KIF20B: variants seen among roughly 807,000 people sequenced by gnomAD.
KIF20B encodes kinesin family member 20B.
KIF20B carries 188 observed loss-of-function variants against 232.5 expected under a neutral mutation model. The observed-to-expected ratio is 0.81, with a 90% CI of 0.72 to 0.91. The LOEUF (loss-of-function observed/expected upper bound fraction) is 0.91. KIF20B is among the 40% of genes least tolerant of loss of function. The probability of loss-of-function intolerance (pLI) is 0.00; values close to 1 mark genes in which losing one functional copy is unlikely to be tolerated. For missense variants in KIF20B, 2,154 were observed against 2,055.9 expected, an observed-to-expected ratio of 1.05 and a Z score of -0.92; for synonymous variants, 712 against 683.0, an observed-to-expected ratio of 1.04 and a Z score of -0.66.
rs969327368 is a variant in KIF20B, at chr10:89,762,565, A to G, written c.4792-73A>G. 6.1e-6 allele frequency: 7 copies of G among 1,144,078 alleles called. No individual in the cohort carries two copies. In the African/African-American group the frequency reaches 1.1e-4, roughly 18 times the overall value. The allele number at this position is 1,144,078 out of a possible 1,614,324, so 70.9% of individuals were successfully genotyped here. Reference sequence around the variant, plus strand: ...ATGCATTGTCTTGGATAGGCATTTGAGAGAATTAATTCTTTGTGGTTTATA... The same window carrying G: ...ATGCATTGTCTTGGATAGGCATTTGGGAGAATTAATTCTTTGTGGTTTATA... On this transcript the variant is annotated intron_variant, in intron 28 of 32. Coordinates refer to ENST00000371728, the MANE Select transcript of KIF20B (RefSeq NM_001284259.2).
At position 89,717,426 on chromosome 10, in the gene KIF20B, A is replaced by G. The variant is rs573176470; in HGVS notation, c.1055A>G (p.His352Arg). ...TKLNNASSRS[H>R]SIFTVKILQI... The stretch of plus-strand genomic sequence containing the variant: ...AACATTTGATCTTTGTATTTCAGTC[A>G]CAGCATATTCACTGTTAAAATATTA... The change falls in exon 10 of 33, where the codon CAC becomes CGC. Residue 352 changes from histidine to arginine, a missense_variant and splice_region_variant. Coordinates refer to ENST00000371728, the MANE Select transcript of KIF20B (RefSeq NM_001284259.2). 1.3e-6 allele frequency: 2 copies of G among 1,561,490 alleles called. No homozygotes were observed. The highest frequency in any genetic ancestry group is 1.4e-5 in the African/African-American group (1 of 73,742).
At chr10:89,714,856 A>G (rs1165213184) in intron 7 of KIF20B, 99 bp from the exon 8 acceptor site, 7 of 729,532 alleles carry the variant, frequency 9.6e-6, no homozygotes, top group Non-Finnish European at 1.6e-5. Context: ...GATTAAGCAT[A>G]CTTGGTTTTT....
At chr10:89,748,599 A>AG (rs1476436676) in intron 23 of KIF20B, among the ~76,000 whole-genome samples, 2 of 152,204 alleles carry the variant, frequency 1.3e-5, no homozygotes, top group African/African-American at 4.8e-5. Flanking sequence ...CTCTGCACAC[A>AG]GTACTGTTTT....
At chr10:89,764,772 G>A (rs1476140725) in intron 29 of KIF20B, among the ~76,000 whole-genome samples, 1 of 151,584 alleles carries the variant, frequency 6.6e-6, no homozygotes, top group Non-Finnish European at 1.5e-5. Flanking sequence ...ATTTGTTTGA[G>A]TTCATTGTAG....
chr10:89,710,421 G>A (rs1195549403), intron 5 of KIF20B, among the ~76,000 whole-genome samples: 2 of 151,990 alleles, frequency 1.3e-5, no homozygotes, highest in Admixed American at 6.6e-5. Context: ...TAGAAATGGG[G>A]GTTCACCATT....
chr10:89,745,936 A>G lies in KIF20B; in HGVS notation c.4073A>G (p.Gln1358Arg). 6.2e-7 allele frequency: 1 copy of G among 1,611,598 alleles called. No individual in the cohort carries two copies. Among genetic ancestry groups the G allele is most frequent in the Non-Finnish European group, 8.5e-7 (1 of 1,177,692 alleles). Residue 1358 changes from glutamine to arginine, a missense_variant, in exon 23 of 33, where the codon CAA becomes CGA. By Grantham distance (43) the Gln-to-Arg change is conservative (BLOSUM62 1). Transcript: ENST00000371728. ...LNNQKVEEAI[Q>R]QYERACKDLN... ...AATCAGAAAGTGGAAGAAGCTATACAACAGTATGAGAGAGCATGCAAAGGT... is the reference window on the plus strand; with the variant it reads ...AATCAGAAAGTGGAAGAAGCTATACGACAGTATGAGAGAGCATGCAAAGGT...
At chr10:89,771,564 T>C (rs1209905650) in intron 31 of KIF20B, among the ~76,000 whole-genome samples, 2 of 152,102 alleles carry the variant, frequency 1.3e-5, no homozygotes, top group Non-Finnish European at 2.9e-5. Context: ...CTAGTCATGC[T>C]CTTACTCATA....
At chr10:89,756,257 A>G (rs934648632) in intron 26 of KIF20B, among the ~76,000 whole-genome samples, 1 of 152,282 alleles carries the variant, frequency 6.6e-6, no homozygotes, top group South Asian at 2.1e-4. Flanking sequence ...ATTTACAGAA[A>G]AGTTACAGAA....
chr10:89,714,308 G>A (rs1010593662), intron 7 of KIF20B, among the ~76,000 whole-genome samples: 4 of 152,070 alleles, frequency 2.6e-5, no homozygotes, highest in South Asian at 2.1e-4. Context: ...ATGAAACCCC[G>A]TCTCTACTAA....
intron 17 of KIF20B, among the ~76,000 whole-genome samples, chr10:89,728,848 G>C (rs1488552019): frequency 6.6e-6 from 1 of 151,802 alleles, no homozygotes; most frequent in Admixed American, 6.6e-5. Flanking sequence ...GCTAGGATTT[G>C]AGCCCAGGCA....
chr10:89,719,450 A>G lies in KIF20B; in HGVS notation c.1466A>G (p.Gln489Arg). The change falls in exon 13 of 33, where the codon CAA becomes CGA. Residue 489 changes from glutamine (Q) to arginine (R), a missense_variant. Gln to Arg is a conservative substitution (Grantham distance 43). Transcript: ENST00000371728. ...VCVPDTLNSS[Q>R]EKLFGPVKSS... ...GTCCCAGACACTTTAAATTCCTCTC[A>G]AGAGAAATTATTTGGACCTGTCAAA... is the stretch of plus-strand genomic sequence containing the variant. 6.3e-7 allele frequency: 1 copy of G among 1,591,902 alleles called. No individual in the cohort carries two copies. The highest frequency in any genetic ancestry group is 1.8e-4 in the Middle Eastern group (1 of 5,704).
intron 22 of KIF20B, among the ~76,000 whole-genome samples, chr10:89,745,531 A>G (rs977829730): frequency 2.0e-5 from 3 of 152,020 alleles, no homozygotes; most frequent in African/African-American, 7.3e-5. Flanking sequence ...TCAAAAACAA[A>G]CAAATAAATA....
chr10:89,721,027 G>C (rs1044335844), intron 13 of KIF20B, among the ~76,000 whole-genome samples: 1 of 151,982 alleles, frequency 6.6e-6, no homozygotes, highest in African/African-American at 2.4e-5. Flanking sequence ...ATCTTTAATT[G>C]GCCATAACTC....
intron 13 of KIF20B, among the ~76,000 whole-genome samples, chr10:89,720,029 A>T (rs1299476017): frequency 6.6e-6 from 1 of 152,156 alleles, no homozygotes; most frequent in African/African-American, 2.4e-5. Flanking sequence ...GGGCATTTTC[A>T]TCATGATCAC....
At chr10:89,746,275 C>T (rs183858993) in intron 23 of KIF20B, among the ~76,000 whole-genome samples, 7 of 152,288 alleles carry the variant, frequency 4.6e-5, no homozygotes, top group East Asian at 3.9e-4. Context: ...TTCTGTATCC[C>T]GGGATTCTTG....
chr10:89,702,243 C>T (rs2133072946), intron 1 of KIF20B, among the ~76,000 whole-genome samples: 1 of 152,248 alleles, frequency 6.6e-6, no homozygotes, highest in Middle Eastern at 3.4e-3. Flanking sequence ...CACTTATTTC[C>T]AGACTACTCC....
intron 5 of KIF20B, among the ~76,000 whole-genome samples, chr10:89,710,520 T>C (rs1019292553): frequency 6.6e-6 from 1 of 152,222 alleles, no homozygotes; most frequent in African/African-American, 2.4e-5. Context: ...AGAGCCACCA[T>C]GCCTGGCCTT....
At chr10:89,749,364 A>T (rs1841980538) in intron 23 of KIF20B, among the ~76,000 whole-genome samples, 1 of 152,192 alleles carries the variant, frequency 6.6e-6, no homozygotes. Context: ...TTGAATTATT[A>T]AACAATGGAG....
Position 89,717,733 on chromosome 10 carries a change from C to T in KIF20B, c.1271+11C>T. 6.4e-7 allele frequency: 1 copy of T among 1,563,004 alleles called. No individual in the cohort carries two copies. The highest frequency in any genetic ancestry group is 8.7e-7 in the Non-Finnish European group (1 of 1,151,676). ...TAGTGAAAAGTCAAAGTAAGTGTTT[C>T]TGAAAGTGTTATTAGCATATTAAAT... On this transcript the variant is annotated intron_variant, in intron 11 of 32. Coordinates refer to ENST00000371728, the MANE Select transcript of KIF20B (RefSeq NM_001284259.2).
Sources: allele counts gnomAD v4.1 joint callset (sites outside exome capture counted in the v4.1 genomes callset), GRCh38; gene constraint gnomAD v4.1.1; transcripts MANE v1.5; gene names NCBI Gene and HGNC (gene_info 2026-07-23, HGNC 2026-07-21).